Variants in IPO11 observed in about 807,000 individuals in gnomAD.
The protein encoded by IPO11 is importin-11.
A neutral mutation model predicts 143.2 loss-of-function variants in IPO11; 66 were observed. The observed-to-expected ratio is 0.46, with a 90% CI of 0.38 to 0.57. IPO11 has a LOEUF of 0.57. Ranked by LOEUF, IPO11 falls within the 20% of genes least tolerant of loss-of-function variation. The pLI is 0.00. For synonymous variants in IPO11, 385 were observed against 377.8 expected (o/e 1.02, Z -0.22); for missense variants, 1,026 against 1,141.0 (o/e 0.90, Z 1.45).
At chr5:62,464,816 C>A (rs1355232670) in intron 5 of IPO11, among the ~76,000 whole-genome samples, 1 of 151,868 alleles carries the variant, frequency 6.6e-6, no homozygotes, top group South Asian at 2.1e-4. Flanking sequence ...CAGATAATGG[C>A]GACACAAAAA....
chr5:62,491,331 A>G (rs1001806767), intron 15 of IPO11, among the ~76,000 whole-genome samples: 4 of 152,216 alleles, frequency 2.6e-5, no homozygotes, highest in African/African-American at 4.8e-5. Flanking sequence ...GGAATTTGCC[A>G]TGTCCTATAG....
At chr5:62,581,200 T>C (rs761876458) in intron 27 of IPO11, 2 of 1,550,988 alleles carry the variant, frequency 1.3e-6, no homozygotes, top group South Asian at 2.4e-5. Flanking sequence ...TTGTAACACT[T>C]CCCCAAATTC....
chr5:62,560,811 T>C (rs1320247752), intron 26 of IPO11: 2 of 168,198 alleles, frequency 1.2e-5, no homozygotes, highest in African/African-American at 4.7e-5. Context: ...AAGTACAAGT[T>C]GACAGTTTTG....
At chr5:62,498,869 TAAAAG>T (rs767365275) in intron 16 of IPO11, among the ~76,000 whole-genome samples, 2 of 152,280 alleles carry the variant, frequency 1.3e-5, no homozygotes, top group African/African-American at 2.4e-5. Context: ...GATTTCATCT[TAAAAG>T]AAAAAAGAAA....
At chr5:62,612,713 GGTAGATTTAACC>G (rs1189291170) in intron 29 of IPO11, among the ~76,000 whole-genome samples, 1 of 152,072 alleles carries the variant, frequency 6.6e-6, no homozygotes, top group Non-Finnish European at 1.5e-5. Flanking sequence ...AGTAAATATT[GGTAGATTTAACC>G]CATATAAGCA....
intron 3 of IPO11, among the ~76,000 whole-genome samples, chr5:62,447,771 G>C (rs1004920750): frequency 4.1e-5 from 6 of 146,768 alleles, no homozygotes; most frequent in Non-Finnish European, 3.0e-5. Flanking sequence ...TTTTTTGGTA[G>C]AGACAGGGTT....
chr5:62,492,851 T>G (rs1197756586), intron 15 of IPO11, among the ~76,000 whole-genome samples: 2 of 152,280 alleles, frequency 1.3e-5, no homozygotes, highest in East Asian at 1.9e-4. Context: ...TTTTGCAACT[T>G]TAATGAGCAG....
chr5:62,589,829 A>G (rs1744945882), intron 27 of IPO11, among the ~76,000 whole-genome samples: 1 of 152,126 alleles, frequency 6.6e-6, no homozygotes, highest in African/African-American at 2.4e-5. Context: ...TCAAAAATTG[A>G]TGTCATCTGT....
Position 62,489,846 on chromosome 5 carries a change from G to A in IPO11, c.1358-269G>A, listed in dbSNP as rs114929867. On this transcript the variant is annotated intron_variant, in intron 14 of 29. Coordinates refer to ENST00000325324, the MANE Select transcript of IPO11 (RefSeq NM_016338.5). ...AATATTACATCCATTTTAGAAGCAG[G>A]CATTATTTTATAATTTTTATAGTTG... Among the ~76,000 whole-genome samples, 560 of 152,192 alleles carry A rather than the reference G, an allele frequency of 3.7e-3. 9 individuals carry two copies. The highest frequency in any genetic ancestry group is 0.013 in the African/African-American group (529 of 41,518).
intron 14 of IPO11, 73 bp from the exon 15 acceptor site, chr5:62,490,042 A>G (rs1345047704): frequency 1.3e-5 from 10 of 741,366 alleles, no homozygotes; most frequent in East Asian, 5.7e-5. Flanking sequence ...TTTAATTAAC[A>G]TATGTTTCAT....
At chr5:62,611,168 G>A (rs1033147940) in intron 29 of IPO11, among the ~76,000 whole-genome samples, 16 of 152,192 alleles carry the variant, frequency 1.1e-4, no homozygotes, top group African/African-American at 3.4e-4. Context: ...AGGCCCACAA[G>A]CTCAATGTTA....
At chr5:62,483,673 A>G (rs1189750193) in intron 10 of IPO11, among the ~76,000 whole-genome samples, 2 of 152,206 alleles carry the variant, frequency 1.3e-5, no homozygotes, top group African/African-American at 4.8e-5. Flanking sequence ...ATTCATTCAT[A>G]TGCGTGTGTG....
At chr5:62,519,904 A>G (rs1742148963) in intron 20 of IPO11, among the ~76,000 whole-genome samples, 1 of 152,154 alleles carries the variant, frequency 6.6e-6, no homozygotes, top group Non-Finnish European at 1.5e-5. Flanking sequence ...GTCCCAGTTT[A>G]CTTGCTAGCT....
At chr5:62,556,678 A>T (rs982621776) in intron 26 of IPO11, among the ~76,000 whole-genome samples, 3 of 152,228 alleles carry the variant, frequency 2.0e-5, no homozygotes, top group Admixed American at 6.5e-5. Context: ...TCTAAAAAAA[A>T]GTTTAAATTT....
At position 62,470,284 on chromosome 5, in the gene IPO11, A is replaced by G; in HGVS notation, c.684A>G (p.Glu228=). 6.2e-7 allele frequency: 1 copy of G among 1,613,836 alleles called. No homozygotes were observed. The highest frequency in any genetic ancestry group is 8.5e-7 in the Non-Finnish European group (1 of 1,179,850). ...LRKLTVNGFV[E]PHKNMEVMGF... ...AGTTAACTGTTAATGGATTTGTGGA[A>G]CCTCATAAGAATATGGAGGTGATGG... Residue 228 remains glutamate, a synonymous_variant, in exon 7 of 30, where the codon GAA becomes GAG. Coordinates refer to ENST00000325324, the MANE Select transcript of IPO11 (RefSeq NM_016338.5).
chr5:62,513,517 C>T lies in IPO11; in HGVS notation c.1783-1871C>T, dbSNP rs1197188731. On this transcript the variant is annotated intron_variant, in intron 19 of 29. Coordinates refer to ENST00000325324, the MANE Select transcript of IPO11 (RefSeq NM_016338.5). The stretch of plus-strand genomic sequence containing the variant: ...GCAGAGGCGCCCCTCACCTCCCGGA[C>T]GGGGCGGCTGGCCGGGCGGGGGGCT... Among the ~76,000 whole-genome samples the T allele has an allele frequency of 7.6e-4, 109 of 144,076 alleles. 1 individual carries two copies. The highest frequency in any genetic ancestry group is 4.2e-3 in the Middle Eastern group (1 of 240). 94.5% of individuals were successfully genotyped at this position (144,076 alleles called of 152,430 possible).
chr5:62,483,949 A>C (rs938594619), intron 10 of IPO11, 61 bp from the exon 11 acceptor site: 2 of 1,370,950 alleles, frequency 1.5e-6, no homozygotes, highest in African/African-American at 3.0e-5. Flanking sequence ...TTTAAGTTAC[A>C]TAATCCAATG....
chr5:62,552,544 T>C (rs2112351470), intron 26 of IPO11, among the ~76,000 whole-genome samples: 1 of 151,638 alleles, frequency 6.6e-6, no homozygotes, highest in South Asian at 2.1e-4. Flanking sequence ...ATTTCTGAGC[T>C]CAAGTGATCT....
At chr5:62,420,954 A>G (rs1418132921) in intron 1 of IPO11, among the ~76,000 whole-genome samples, 2 of 152,232 alleles carry the variant, frequency 1.3e-5, no homozygotes, top group African/African-American at 4.8e-5. Flanking sequence ...AGACAGCTAG[A>G]TAGCTCTCCA....
Sources: gnomAD v4.1 joint callset for allele counts (sites outside exome capture counted in the v4.1 genomes callset) on GRCh38, gnomAD v4.1.1 for gene constraint, MANE v1.5 for transcripts, NCBI Gene and HGNC (gene_info 2026-07-23, HGNC 2026-07-21) for gene names.